Variants in GALNT10 observed in about 807,000 individuals in gnomAD.
GALNT10 encodes GalNAc transferase 10.
In GALNT10, 41 loss-of-function variants were observed where a neutral mutation model predicts 75.0. That is an observed-to-expected ratio of 0.55 (90% CI 0.43 to 0.71). GALNT10 has a LOEUF of 0.71. Among genes scored for constraint, GALNT10 ranks in the 30% least tolerant of loss-of-function variants. GALNT10 has a pLI of 0.00. For missense variants in GALNT10, 727 were observed against 818.5 expected (o/e 0.89, Z 1.36); for synonymous variants, 302 against 313.0 (o/e 0.96, Z 0.37).
chr5:154,283,358 A>G (rs1581954781), intron 1 of GALNT10, among the ~76,000 whole-genome samples: 1 of 148,110 alleles, frequency 6.8e-6, no homozygotes, highest in East Asian at 2.0e-4. Context: ...CTGAGGCAGG[A>G]GGATTGCTTG....
chr5:154,323,933 G>A lies in GALNT10; in HGVS notation c.402-5639G>A, dbSNP rs574410607. Among the ~76,000 whole-genome samples, 82 of 152,344 alleles carry A rather than the reference G, an allele frequency of 5.4e-4. 2 individuals are homozygous for A. The highest frequency in any genetic ancestry group is 3.8e-4 in the Non-Finnish European group (26 of 68,042). ...TTCTCCTGGCCACCGCCTCTGCCTT[G>A]AGCCTCAGCACCTTCTGTGAAATGA... On this transcript the variant is annotated intron_variant, in intron 3 of 11. Transcript: ENST00000297107.
At chr5:154,380,426 A>G (rs561424796) in intron 5 of GALNT10, 22 bp from the exon 6 acceptor site, 7 of 1,597,546 alleles carry the variant, frequency 4.4e-6, no homozygotes, top group African/African-American at 1.3e-5. Context: ...TTCATCTGAT[A>G]GGCATCTCTT....
chr5:154,327,869 G>A (rs1006056986), intron 3 of GALNT10, among the ~76,000 whole-genome samples: 3 of 152,162 alleles, frequency 2.0e-5, no homozygotes, highest in Admixed American at 6.5e-5. Flanking sequence ...TGTCTCCTAA[G>A]GGATCCCTGT....
At chr5:154,393,070 A>AAAAAAAAC (rs1554101652) in intron 7 of GALNT10, 2 of 147,018 alleles carry the variant, frequency 1.4e-5, no homozygotes, top group African/African-American at 5.1e-5. Context: ...AAAAAAAAAA[A>AAAAAAAAC]AAAAAAAACC....
chr5:154,248,073 G>A (rs995890745), intron 1 of GALNT10, among the ~76,000 whole-genome samples: 2 of 152,194 alleles, frequency 1.3e-5, no homozygotes, highest in Non-Finnish European at 2.9e-5. Context: ...AGATAATCAT[G>A]TGGTTTTTGT....
rs2113236569 is a variant in GALNT10 at position 154,420,553 on chromosome 5, G to A, written c.*3581G>A. ...TGAAGCTTTGTAAGTGTGAGAGAGG[G>A]ACAAGAAGTGCAGTTCTGTTCTGGA... On this transcript the variant is annotated 3_prime_UTR_variant, in exon 12 of 12. Transcript: ENST00000297107. 6.6e-6 allele frequency: 1 copy of A among 152,348 alleles called. No individual in the cohort carries two copies. Among genetic ancestry groups the A allele is most frequent in the East Asian group, 1.9e-4 (1 of 5,186 alleles). 9.4% of individuals were successfully genotyped at this position (152,348 alleles called of 1,614,324 possible).
intron 1 of GALNT10, among the ~76,000 whole-genome samples, chr5:154,272,940 A>G (rs750583324): frequency 8.1e-5 from 7 of 86,228 alleles, no homozygotes; most frequent in Admixed American, 4.6e-4. Context: ...TGTGTACTCT[A>G]GACGGTAGGA....
chr5:154,394,806 C>T (rs1459460885), intron 7 of GALNT10, among the ~76,000 whole-genome samples: 2 of 152,270 alleles, frequency 1.3e-5, no homozygotes, highest in Non-Finnish European at 2.9e-5. Flanking sequence ...CGGACAGCTG[C>T]AGCATGGCTG....
intron 7 of GALNT10, among the ~76,000 whole-genome samples, chr5:154,393,585 C>T (rs896842470): frequency 9.2e-5 from 14 of 152,204 alleles, no homozygotes; most frequent in African/African-American, 3.4e-4. Context: ...GTAATTCTCA[C>T]ATTTTGGGAG....
chr5:154,419,521 GGGCCTGCCTTTCCCATCCTTT>G lies in GALNT10; in HGVS notation c.*2552_*2572del, dbSNP rs1403059002. On this transcript the variant is annotated 3_prime_UTR_variant, in exon 12 of 12. Transcript: ENST00000297107. ...AGCAGGAGCAGCAGCAAGCCGTCCC[GGGCCTGCCTTTCCCATCCTTT>G]GGTTCTCCTTTCCAGTCTGGGTTCA... The G allele has an allele frequency of 6.6e-6, 1 of 152,254 alleles. No individual in the cohort carries two copies. Among genetic ancestry groups the G allele is most frequent in the Non-Finnish European group, 1.5e-5 (1 of 68,100 alleles). 9.4% of individuals were successfully genotyped at this position (152,254 alleles called of 1,614,324 possible).
rs987630076 is a variant in GALNT10 at position 154,376,105 on chromosome 5, T to C, written c.569-172T>C. 1.6e-4 allele frequency among the ~76,000 whole-genome samples: 24 copies of C among 152,204 alleles called. No homozygotes were observed. The highest frequency in any genetic ancestry group is 7.2e-4 in the Admixed American group (11 of 15,288). ...TAAGCCTTAATTTCTCCATCTGTAG[T>C]ACACAGGTGATGAGAACACTGCCCT... is the stretch of plus-strand genomic sequence containing the variant. On this transcript the variant is annotated intron_variant, in intron 4 of 11. Transcript: ENST00000297107. This position sits in a 1 kb window ranked among gnomAD's most constrained non-coding sequence, Gnocchi z 4.1.
intron 3 of GALNT10, among the ~76,000 whole-genome samples, chr5:154,309,122 G>T (rs6891838): frequency 0.4 from 60,762 of 152,070 alleles, 12,623 homozygotes; most frequent in Middle Eastern, 0.45. Flanking sequence ...GGGAAGTGCT[G>T]TCAGATAAGA....
In GALNT10 at chr5:154,199,685, G is replaced by C. The variant is rs116627787; in HGVS notation, c.159+8660G>C. ...AAGGATGAGGTAGGTGCCTCTACGTGGGTGTTGGGCTGAACTAGGGGGTCT... is the reference window on the plus strand; with the variant it reads ...AAGGATGAGGTAGGTGCCTCTACGTCGGTGTTGGGCTGAACTAGGGGGTCT... On this transcript the variant is annotated intron_variant, in intron 1 of 11. Coordinates refer to ENST00000297107, the MANE Select transcript of GALNT10 (RefSeq NM_198321.4). 8.2e-3 allele frequency among the ~76,000 whole-genome samples: 1,241 copies of C among 152,226 alleles called. 13 individuals carry two copies. The highest frequency in any genetic ancestry group is 0.028 in the African/African-American group (1,164 of 41,516).
At chr5:154,344,356 C>T (rs113048881) in intron 4 of GALNT10, among the ~76,000 whole-genome samples, 9 of 151,958 alleles carry the variant, frequency 5.9e-5, no homozygotes, top group African/African-American at 1.9e-4. Context: ...GGATTACAGG[C>T]GCGCACCACC....
At chr5:154,403,546 C>A (rs1756211727) in intron 7 of GALNT10, among the ~76,000 whole-genome samples, 1 of 152,190 alleles carries the variant, frequency 6.6e-6, no homozygotes, top group Admixed American at 6.5e-5. Flanking sequence ...GCTCATAGAT[C>A]CAGGAGGAAA....
intron 1 of GALNT10, among the ~76,000 whole-genome samples, chr5:154,224,778 C>CTTTT (rs549615789): frequency 3.3e-4 from 39 of 117,570 alleles, no homozygotes; most frequent in Admixed American, 6.8e-4. Context: ...AAGCTCACTT[C>CTTTT]TTTTTTTTTT....
At chr5:154,192,523 A>G (rs1774873658) in intron 1 of GALNT10, among the ~76,000 whole-genome samples, 1 of 152,156 alleles carries the variant, frequency 6.6e-6, no homozygotes, top group Non-Finnish European at 1.5e-5. Flanking sequence ...TCTACCACTA[A>G]CTTACTGTGT....
chr5:154,233,373 T>G (rs1053538100), intron 1 of GALNT10, among the ~76,000 whole-genome samples: 1 of 152,142 alleles, frequency 6.6e-6, no homozygotes, highest in African/African-American at 2.4e-5. Context: ...GAATAATAAA[T>G]GAAGGGCTCC....
chr5:154,382,240 G>T (rs185925528), intron 6 of GALNT10, among the ~76,000 whole-genome samples: 1 of 152,376 alleles, frequency 6.6e-6, no homozygotes, highest in African/African-American at 2.4e-5. Flanking sequence ...GGAAATGAAA[G>T]GTGGCCAGGA....
Sources: gnomAD v4.1 joint callset for allele counts (sites outside exome capture counted in the v4.1 genomes callset) on GRCh38, gnomAD v4.1.1 for gene constraint, Gnocchi (gnomAD v3.1) non-coding constraint, MANE v1.5 for transcripts, NCBI Gene and HGNC (gene_info 2026-07-23, HGNC 2026-07-21) for gene names.